GKAP1: variants seen among roughly 807,000 people sequenced by gnomAD.
GKAP1 encodes the protein G kinase-anchoring protein 1.
In GKAP1, 31 loss-of-function variants were observed where a neutral mutation model predicts 56.7. The ratio of observed to expected loss-of-function variants is 0.55; its 90% CI spans 0.41 to 0.74. The LOEUF (loss-of-function observed/expected upper bound fraction) is 0.74, where lower values mean the gene tolerates loss of function less well. GKAP1 is among the 30% of genes least tolerant of loss of function. GKAP1 has a pLI of 0.00. For synonymous variants in GKAP1, 151 were observed against 138.6 expected, an observed-to-expected ratio of 1.09 and a Z score of -0.63; for missense variants, 364 against 402.3, an observed-to-expected ratio of 0.90 and a Z score of 0.82.
In GKAP1 at chr9:83,805,104, T is replaced by G. The variant is rs549464038; in HGVS notation, c.216+1198A>C. 7.5e-3 allele frequency among the ~76,000 whole-genome samples: 1,143 copies of G among 152,200 alleles called. 6 individuals are homozygous for G. The highest frequency in any genetic ancestry group is 0.012 in the Non-Finnish European group (801 of 67,978). On this transcript the variant is annotated intron_variant, in intron 3 of 12. Transcript: ENST00000376371. ...TAGAAAGAAGTAGACATGGGAGACT[T>G]TTCATTTTGTTCTGTACTAAGATAA...
chr9:83,761,200 G>C (rs1013420902), intron 8 of GKAP1, among the ~76,000 whole-genome samples: 2 of 148,560 alleles, frequency 1.3e-5, no homozygotes, highest in South Asian at 4.4e-4. Flanking sequence ...ACCACATCAA[G>C]AAAAAGAGAA....
chr9:83,790,635 A>G (rs892776078), intron 4 of GKAP1, among the ~76,000 whole-genome samples: 8 of 132,970 alleles, frequency 6.0e-5, no homozygotes, highest in Admixed American at 2.7e-4. Flanking sequence ...ACAAAACAAA[A>G]CAAAACAAAA....
chr9:83,759,445 C>T (rs1943532585), intron 8 of GKAP1, among the ~76,000 whole-genome samples: 2 of 151,388 alleles, frequency 1.3e-5, no homozygotes, highest in African/African-American at 4.9e-5. Context: ...TTTGCAGAGA[C>T]AGGGTTATTA....
chr9:83,739,769 A>T (rs750317646), intron 12 of GKAP1, 25 bp from the exon 13 acceptor site: 1 of 1,569,748 alleles, frequency 6.4e-7, no homozygotes, highest in East Asian at 2.2e-5. Flanking sequence ...AAAAATAGGG[A>T]AAATTATTTA....
chr9:83,803,398 G>A lies in GKAP1; in HGVS notation c.216+2904C>T, dbSNP rs947597953. Among the ~76,000 whole-genome samples the A allele has an allele frequency of 2.6e-5, 4 of 151,660 alleles. No homozygotes were observed. In the East Asian group the frequency reaches 5.8e-4, roughly 22 times the overall value. The stretch of plus-strand genomic sequence containing the variant: ...CTGCCGAGTGCCTGCGATTGCAGGC[G>A]TGTGCCACCACGCCTGACTGGTTTT... On this transcript the variant is annotated intron_variant, in intron 3 of 12. Transcript: ENST00000376371.
chr9:83,755,161 G>T (rs1489925109), intron 8 of GKAP1, among the ~76,000 whole-genome samples: 1 of 152,106 alleles, frequency 6.6e-6, no homozygotes, highest in African/African-American at 2.4e-5. Flanking sequence ...ATCTCCAATA[G>T]ATAAATGAGG....
chr9:83,765,735 T>TA (rs1255514838), intron 8 of GKAP1, among the ~76,000 whole-genome samples: 1 of 152,234 alleles, frequency 6.6e-6, no homozygotes, highest in Non-Finnish European at 1.5e-5. Flanking sequence ...ATGGGGCCTG[T>TA]AGCCCCTCTG....
rs756224337 is a variant in GKAP1 at position 83,768,908 on chromosome 9, A to G, written c.648T>C (p.Asp216=). 1.9e-5 allele frequency: 30 copies of G among 1,610,906 alleles called. No homozygotes were observed. The Admixed American group carries it at 3.8e-4, about 21-fold the overall frequency. Residue 216 remains aspartate, a synonymous_variant, in exon 8 of 13, where the codon GAT becomes GAC. Coordinates refer to ENST00000376371, the MANE Select transcript of GKAP1 (RefSeq NM_025211.4). The part of the protein sequence containing the change: ...DGGFFNRLED[D]VHKILIREKR... ...TTTCTCTAATAAGAATTTTATGAAC[A>G]TCATCTTCCAGTCTATTGAAGAATC...
intron 7 of GKAP1, among the ~76,000 whole-genome samples, chr9:83,778,938 C>A (rs894309931): frequency 2.6e-5 from 4 of 151,942 alleles, no homozygotes; most frequent in Non-Finnish European, 4.4e-5. Context: ...TTAAATACAA[C>A]TCATCTTTAA....
chr9:83,791,271 C>T (rs1351484845), intron 4 of GKAP1, among the ~76,000 whole-genome samples: 2 of 151,640 alleles, frequency 1.3e-5, no homozygotes, highest in African/African-American at 4.8e-5. Flanking sequence ...GACGTGGTGG[C>T]GGGTGCCTGT....
At chr9:83,771,611 A>G (rs1943763043) in intron 7 of GKAP1, among the ~76,000 whole-genome samples, 1 of 152,218 alleles carries the variant, frequency 6.6e-6, no homozygotes. Context: ...AATTTCATAA[A>G]CATCATGAGA....
intron 8 of GKAP1, among the ~76,000 whole-genome samples, chr9:83,767,605 G>A (rs760892245): frequency 3.3e-5 from 5 of 151,918 alleles, no homozygotes; most frequent in South Asian, 2.1e-4. Context: ...CAAGTGATTC[G>A]CCAGCCTCAG....
chr9:83,789,389 G>A (rs1265531059), intron 4 of GKAP1, among the ~76,000 whole-genome samples: 1 of 152,104 alleles, frequency 6.6e-6, no homozygotes. Context: ...AGTTGGATGC[G>A]ACTTTGAGTT....
chr9:83,789,730 T>A (rs1342978007), intron 4 of GKAP1, among the ~76,000 whole-genome samples: 1 of 151,234 alleles, frequency 6.6e-6, no homozygotes, highest in African/African-American at 2.4e-5. Flanking sequence ...AATTCCTTTT[T>A]TTTCCTCCCA....
intron 3 of GKAP1, among the ~76,000 whole-genome samples, chr9:83,805,334 G>C (rs1408425913): frequency 6.6e-6 from 1 of 152,082 alleles, no homozygotes; most frequent in East Asian, 1.9e-4. Flanking sequence ...CACTGCGGAA[G>C]GCCGCAGGGT....
intron 3 of GKAP1, among the ~76,000 whole-genome samples, chr9:83,800,111 T>A (rs1944307200): frequency 6.6e-6 from 1 of 152,120 alleles, no homozygotes; most frequent in South Asian, 2.1e-4. Flanking sequence ...CAAAGTAACA[T>A]AATCAACTAA....
At chr9:83,793,049 G>C in intron 4 of GKAP1, 1 of 1,174,236 alleles carries the variant, frequency 8.5e-7, no homozygotes. Context: ...TTCTATTTAA[G>C]CAAACCTATA....
intron 6 of GKAP1, among the ~76,000 whole-genome samples, chr9:83,784,227 A>C (rs1944025771): frequency 6.6e-6 from 1 of 151,778 alleles, no homozygotes; most frequent in Non-Finnish European, 1.5e-5. Context: ...TGACTGCACC[A>C]CTGCACTCCA....
rs1375090358 is a variant in GKAP1, at chr9:83,774,701, CCTTTTT to C, written c.585+5675_585+5680del. On this transcript the variant is annotated intron_variant, in intron 7 of 12. Transcript: ENST00000376371. The stretch of plus-strand genomic sequence containing the variant: ...AGAAACTATCAATAAACAGAAACCC[CCTTTTT>C]TTTTTTTTTTTTTTTTTTTTTGAGA... 6.9e-5 allele frequency among the ~76,000 whole-genome samples: 7 copies of C among 100,972 alleles called. 1 individual carries two copies. The highest frequency in any genetic ancestry group is 3.2e-4 in the East Asian group (1 of 3,100). 66.2% of individuals were successfully genotyped at this position (100,972 alleles called of 152,430 possible).
Sources: allele counts gnomAD v4.1 joint callset (sites outside exome capture counted in the v4.1 genomes callset), GRCh38; gene constraint gnomAD v4.1.1; transcripts MANE v1.5; gene names NCBI Gene and HGNC (gene_info 2026-07-23, HGNC 2026-07-21).